Variants in LRIF1 observed in about 807,000 individuals in gnomAD.
The protein encoded by LRIF1 is ligand dependent nuclear receptor interacting factor 1.
LRIF1 carries 32 observed loss-of-function variants against 52.7 expected under a neutral mutation model. The ratio of observed to expected loss-of-function variants is 0.61; its 90% CI spans 0.46 to 0.82. The LOEUF is 0.82. Ranked by LOEUF, LRIF1 falls within the 40% of genes least tolerant of loss-of-function variation. The probability of loss-of-function intolerance (pLI) is 0.00; values close to 1 mark genes in which losing one functional copy is unlikely to be tolerated. For missense variants in LRIF1, 887 were observed against 892.0 expected (o/e 0.99, Z 0.07); for synonymous variants, 323 against 317.4 (o/e 1.02, Z -0.19).
chr1:110,886,869 A>ATATATTTT, the LRIF1 span, among the ~76,000 whole-genome samples: 1,229 of 82,678 alleles, frequency 0.015, 11 homozygotes, highest in Non-Finnish European at 0.023. Context: ...ATATATATAT[A>ATATATTTT]TTTTTTTTTT....
At chr1:110,933,607 TC>T in the LRIF1 span, among the ~76,000 whole-genome samples, 1 of 151,978 alleles carries the variant, frequency 6.6e-6, no homozygotes, top group Non-Finnish European at 1.5e-5. Flanking sequence ...AAAACGAAAC[TC>T]ACCTGATGCC....
chr1:110,947,696 A>T lies in LRIF1; in HGVS notation c.*263T>A, dbSNP rs185073509. The stretch of plus-strand genomic sequence containing the variant: ...CTGCCCAAATATTCAAACTTGGAGA[A>T]TTCTAGTTAAAATAATAGAAAAATA... On this transcript the variant is annotated 3_prime_UTR_variant, in exon 4 of 4. Transcript: ENST00000369763. 8 of 277,356 alleles carry T rather than the reference A, an allele frequency of 2.9e-5. No individual in the cohort carries two copies. Among genetic ancestry groups the T allele is most frequent in the Non-Finnish European group, 2.0e-5 (3 of 152,840 alleles). The allele number at this position is 277,356 out of a possible 1,614,324, so 17.2% of individuals were successfully genotyped here. A position where few individuals can be genotyped will look rare whatever the true frequency, so the allele number is the denominator to read the frequency against.
intron 1 of LRIF1, chr1:110,963,258 T>A (rs1289821918): frequency 3.6e-5 from 6 of 166,164 alleles, no homozygotes; most frequent in African/African-American, 1.4e-4. Flanking sequence ...CACTTGCTAA[T>A]CCGTGCTGAC....
the LRIF1 span, among the ~76,000 whole-genome samples, chr1:110,930,543 C>G: frequency 6.6e-6 from 1 of 152,116 alleles, no homozygotes; most frequent in African/African-American, 2.4e-5. Context: ...GTCTGATGCC[C>G]TTTCTTATAA....
the LRIF1 span, among the ~76,000 whole-genome samples, chr1:110,909,199 C>T: frequency 6.6e-6 from 1 of 152,242 alleles, no homozygotes; most frequent in Non-Finnish European, 1.5e-5. Context: ...ACCACCAGAC[C>T]TGCCTTACAA....
the LRIF1 span, among the ~76,000 whole-genome samples, chr1:110,916,136 CAGAA>C: frequency 2.0e-5 from 3 of 152,004 alleles, no homozygotes; most frequent in Middle Eastern, 3.2e-3. Flanking sequence ...GTACTTTAGG[CAGAA>C]AGTGATCCCA....
the LRIF1 span, among the ~76,000 whole-genome samples, chr1:110,913,530 C>T: frequency 2.6e-5 from 4 of 152,164 alleles, no homozygotes; most frequent in East Asian, 5.8e-4. Flanking sequence ...TACATGTGGC[C>T]AACAACCATA....
At chr1:110,887,205 A>G in the LRIF1 span, among the ~76,000 whole-genome samples, 1 of 151,924 alleles carries the variant, frequency 6.6e-6, no homozygotes, top group Admixed American at 6.6e-5. Flanking sequence ...CTGGGACTAC[A>G]GGCGCCCACC....
chr1:110,916,395 A>C, the LRIF1 span, among the ~76,000 whole-genome samples: 1 of 152,176 alleles, frequency 6.6e-6, no homozygotes, highest in Admixed American at 6.5e-5. Flanking sequence ...TACATCAACT[A>C]ATATTAAATA....
At chr1:110,932,280 A>G in the LRIF1 span, among the ~76,000 whole-genome samples, 8 of 152,292 alleles carry the variant, frequency 5.3e-5, no homozygotes, top group Non-Finnish European at 1.2e-4. Flanking sequence ...TTTGTCAAAG[A>G]TCAGATGGTT....
In LRIF1 at chr1:110,948,173, G is replaced by A. The variant is rs1477502520; in HGVS notation, c.2096C>T (p.Thr699Ile). ...QEKRTEMEYYTHEKQEKGTLN... is the reference protein window; with the variant it reads ...QEKRTEMEYYIHEKQEKGTLN... ...AGTGCCTTTCTCTTGCTTCTCATGG[G>A]TATAGTATTCCATCTCAGTTCTCTT... Residue 699 changes from threonine to isoleucine, a missense_variant, in exon 4 of 4, where the codon ACC becomes ATC. Thr to Ile is a moderately conservative substitution (Grantham distance 89, BLOSUM62 -1). Transcript: ENST00000369763. 1.9e-6 allele frequency: 3 copies of A among 1,613,998 alleles called. No homozygotes were observed. The highest frequency in any genetic ancestry group is 1.7e-4 in the Middle Eastern group (1 of 6,060).
At chr1:110,963,546 G>A (rs973101429) in intron 1 of LRIF1, 75 bp downstream of exon 1, 17 of 1,320,626 alleles carry the variant, frequency 1.3e-5, no homozygotes, top group African/African-American at 2.9e-5. Context: ...ACAGCGTCCG[G>A]AAACGACGGC....
chr1:110,892,294 T>C, the LRIF1 span: 15 of 1,297,278 alleles, frequency 1.2e-5, no homozygotes, highest in Non-Finnish European at 1.7e-5. Context: ...TATGAGGAGA[T>C]ACCCAAGAAC....
chr1:110,919,750 A>T, the LRIF1 span, among the ~76,000 whole-genome samples: 1 of 152,216 alleles, frequency 6.6e-6, no homozygotes, highest in African/African-American at 2.4e-5. Context: ...AATAATAAAA[A>T]GAGAATTAGA....
intron 1 of LRIF1, among the ~76,000 whole-genome samples, chr1:110,953,377 G>C (rs1658563054): frequency 6.6e-6 from 1 of 152,098 alleles, no homozygotes; most frequent in African/African-American, 2.4e-5. Flanking sequence ...GTTTACATAG[G>C]AATCATTTTC....
chr1:110,949,096 T>G (rs1010733182), intron 3 of LRIF1, among the ~76,000 whole-genome samples: 1 of 152,054 alleles, frequency 6.6e-6, no homozygotes, highest in South Asian at 2.1e-4. Flanking sequence ...CGTGTGTGTG[T>G]GTGGGGTGGG....
Position 110,949,872 on chromosome 1 carries a change from C to T in LRIF1, c.1848G>A (p.Val616=), listed in dbSNP as rs1034906375. 3.1e-6 allele frequency: 5 copies of T among 1,613,690 alleles called. No homozygotes were observed. The highest frequency in any genetic ancestry group is 4.2e-6 in the Non-Finnish European group (5 of 1,179,858). The change falls in exon 3 of 4, where the codon GTG becomes GTA. Residue 616 remains valine, a synonymous_variant. Transcript: ENST00000369763. ...SGTYKETEFM[V]KEGERKQQNF... is the part of the protein sequence containing the mutation. ...CTACCTGTTTTCTCTCTCCTTCCTTCACCATAAACTCTGTCTCTTTGTAAG... is the reference window on the plus strand; with the variant it reads ...CTACCTGTTTTCTCTCTCCTTCCTTTACCATAAACTCTGTCTCTTTGTAAG...
chr1:110,879,719 CT>C, the LRIF1 span, among the ~76,000 whole-genome samples: 23 of 148,062 alleles, frequency 1.6e-4, no homozygotes, highest in African/African-American at 2.7e-4. Context: ...GATAGAGGTT[CT>C]TTTTTTTTTA....
At chr1:110,955,658 T>C (rs1171319740) in intron 1 of LRIF1, among the ~76,000 whole-genome samples, 1 of 152,142 alleles carries the variant, frequency 6.6e-6, no homozygotes, top group African/African-American at 2.4e-5. Flanking sequence ...ATAAGAGCAG[T>C]GTGGTAGGGG....
Sources: allele counts gnomAD v4.1 joint callset (sites outside exome capture counted in the v4.1 genomes callset), GRCh38; gene constraint gnomAD v4.1.1; transcripts MANE v1.5; gene names NCBI Gene and HGNC (gene_info 2026-07-23, HGNC 2026-07-21).